Variants in FBN1 observed in about 807,000 individuals in gnomAD.
The protein encoded by FBN1 is fibrillin 1.
FBN1 carries 29 observed loss-of-function variants against 365.1 expected under a neutral mutation model. That is an observed-to-expected ratio of 0.08 (90% CI 0.06 to 0.11). The LOEUF is 0.11. Among genes scored for constraint, FBN1 ranks in the 10% least tolerant of loss-of-function variants. The probability of loss-of-function intolerance (pLI) is 1.00; values close to 1 mark genes in which losing one functional copy is unlikely to be tolerated. For synonymous variants in FBN1, 1,210 were observed against 1,270.5 expected (o/e 0.95, Z 1.01); for missense variants, 2,476 against 3,703.2 (o/e 0.67, Z 8.60).
chr15:48,513,463 T>C (rs2043776620), intron 13 of FBN1, 86 bp downstream of exon 13: 1 of 1,585,116 alleles, frequency 6.3e-7, no homozygotes, highest in Non-Finnish European at 8.7e-7. Flanking sequence ...CCGGCATGGG[T>C]TATTTAAACT....
At chr15:48,542,781 A>ATTGTG (rs1398899180) in intron 6 of FBN1, among the ~76,000 whole-genome samples, 1 of 130,572 alleles carries the variant, frequency 7.7e-6, no homozygotes, top group African/African-American at 3.2e-5. Flanking sequence ...GGACTCTAAG[A>ATTGTG]TGTGTGTGTG....
intron 6 of FBN1, among the ~76,000 whole-genome samples, chr15:48,595,992 T>C (rs2044512358): frequency 6.6e-6 from 1 of 152,228 alleles, no homozygotes; most frequent in African/African-American, 2.4e-5. Flanking sequence ...AGTTCTCCCC[T>C]TTTTATCCTG....
Position 48,495,271 on chromosome 15 carries a change from G to C in FBN1, c.2540-11C>G. 1 of 1,613,548 alleles carries C rather than the reference G, an allele frequency of 6.2e-7. No homozygotes were observed. Among genetic ancestry groups the C allele is most frequent in the Non-Finnish European group, 8.5e-7 (1 of 1,179,868 alleles). ...TGCCCTTGATGGTTTCTGCAGAGGA[G>C]GGAATAATATTTAATAGAATCTATA... On this transcript the variant is annotated splice_polypyrimidine_tract_variant and intron_variant, in intron 21 of 65. Coordinates refer to ENST00000316623, the MANE Select transcript of FBN1 (RefSeq NM_000138.5).
intron 63 of FBN1, among the ~76,000 whole-genome samples, chr15:48,417,429 CCT>C (rs2042910683): frequency 2.4e-5 from 2 of 83,348 alleles, no homozygotes; most frequent in African/African-American, 9.8e-5. Context: ...TTCCTTCCCC[CCT>C]CCCCTCCCCT....
Position 48,408,316 on chromosome 15 carries a change from A to C in FBN1, c.*2674T>G, listed in dbSNP as rs142196699. 1 of 152,556 alleles carries C rather than the reference A, an allele frequency of 6.6e-6. No individual in the cohort carries two copies. Among genetic ancestry groups the C allele is most frequent in the Admixed American group, 6.5e-5 (1 of 15,270 alleles). The allele number at this position is 152,556 out of a possible 1,614,324, so 9.5% of individuals were successfully genotyped here. A position where few individuals can be genotyped will look rare whatever the true frequency, so the allele number is the denominator to read the frequency against. On this transcript the variant is annotated 3_prime_UTR_variant, in exon 66 of 66. Coordinates refer to ENST00000316623, the MANE Select transcript of FBN1 (RefSeq NM_000138.5). The stretch of plus-strand genomic sequence containing the variant: ...TTTTAAGGATACTAATGCAGCATCA[A>C]CCCAATTGTCCTTTATTTTGGCTCA...
intron 31 of FBN1, 98 bp downstream of exon 31, chr15:48,483,720 A>T: frequency 7.1e-7 from 1 of 1,400,968 alleles, no homozygotes. Flanking sequence ...TACTTTTCCT[A>T]TGGAATCTTT....
chr15:48,511,386 C>CA (rs914468803), intron 13 of FBN1, among the ~76,000 whole-genome samples: 46 of 147,824 alleles, frequency 3.1e-4, no homozygotes, highest in African/African-American at 7.2e-4. Flanking sequence ...GCTCCACACT[C>CA]AAAAAAAAAT....
chr15:48,452,121 T>C (rs1240110798), intron 45 of FBN1, among the ~76,000 whole-genome samples: 1 of 152,198 alleles, frequency 6.6e-6, no homozygotes, highest in South Asian at 2.1e-4. Flanking sequence ...TCAGGAGAGC[T>C]TCACTGTCTA....
At chr15:48,594,968 C>T (rs186985968) in intron 6 of FBN1, among the ~76,000 whole-genome samples, 17 of 152,078 alleles carry the variant, frequency 1.1e-4, no homozygotes, top group East Asian at 7.7e-4. Context: ...TAATTATTAG[C>T]GAATAAAAAC....
At chr15:48,513,454 C>T (rs747291481) in intron 13 of FBN1, 95 bp downstream of exon 13, 87 of 1,568,368 alleles carry the variant, frequency 5.5e-5, no homozygotes, top group South Asian at 1.3e-4. Flanking sequence ...TAGTCTCTTC[C>T]GGCATGGGTT....
At chr15:48,565,600 A>G (rs1226884957) in intron 6 of FBN1, among the ~76,000 whole-genome samples, 1 of 151,058 alleles carries the variant, frequency 6.6e-6, no homozygotes, top group Non-Finnish European at 1.5e-5. Context: ...CAGTAAGTAT[A>G]TTATTTAAAT....
intron 12 of FBN1, 24 bp from the exon 13 acceptor site, chr15:48,513,692 T>C (rs754631554): frequency 1.2e-6 from 2 of 1,613,600 alleles, no homozygotes; most frequent in Non-Finnish European, 1.7e-6. Flanking sequence ...TGTATTTTAG[T>C]GCAAAATTAC....
chr15:48,495,938 T>C (rs1482066285), intron 20 of FBN1, among the ~76,000 whole-genome samples, 162 bp downstream of exon 20: 3 of 152,210 alleles, frequency 2.0e-5, no homozygotes. Context: ...ATACCATAAG[T>C]GGCTTACAAA....
chr15:48,615,165 A>G (rs1397600004), intron 2 of FBN1, among the ~76,000 whole-genome samples: 4 of 152,224 alleles, frequency 2.6e-5, no homozygotes, highest in Non-Finnish European at 2.9e-5. Flanking sequence ...CTTCTCCAGC[A>G]ACAGCCCATT....
At chr15:48,485,604 G>C in intron 29 of FBN1, 108 bp from the exon 30 acceptor site, 1 of 1,258,342 alleles carries the variant, frequency 7.9e-7, no homozygotes, top group Non-Finnish European at 1.1e-6. Flanking sequence ...TAAGAGGCAG[G>C]GCCTTTAAAA....
chr15:48,540,001 C>T (rs923620669), intron 6 of FBN1, among the ~76,000 whole-genome samples: 1 of 152,162 alleles, frequency 6.6e-6, no homozygotes, highest in Non-Finnish European at 1.5e-5. Flanking sequence ...GCCCTCATTT[C>T]GTTCTTTCGA....
chr15:48,537,982 C>T (rs776201580), intron 6 of FBN1, among the ~76,000 whole-genome samples, 174 bp from the exon 7 acceptor site: 1 of 152,176 alleles, frequency 6.6e-6, no homozygotes, highest in Non-Finnish European at 1.5e-5. Flanking sequence ...ACTTCTGAAC[C>T]CGATTTCCTA....
At position 48,470,687 on chromosome 15, in the gene FBN1, C is replaced by A. The variant is rs397515808; in HGVS notation, c.4406G>T (p.Arg1469Leu). 6.2e-7 allele frequency: 1 copy of A among 1,613,948 alleles called. No individual in the cohort carries two copies. Residue 1469 changes from arginine (R) to leucine (L), a missense_variant, in exon 36 of 66, where the codon CGC becomes CTC. By Grantham distance (102) the Arg-to-Leu change is moderately radical. Coordinates refer to ENST00000316623, the MANE Select transcript of FBN1 (RefSeq NM_000138.5). ...TTCGTAGCCTATCTCACACTCACAGCGGAACAGGCCAGGGAGGTTGTGGCA... is the reference window on the plus strand; with the variant it reads ...TTCGTAGCCTATCTCACACTCACAGAGGAACAGGCCAGGGAGGTTGTGGCA... ...GTCHNLPGLF[R>L]CECEIGYELD...
Position 48,644,875 on chromosome 15 carries a change from C to G in FBN1, c.-106G>C, listed in dbSNP as rs1890267410. ...CACCGCGCCGCCGGGGTCCCGCTAT[C>G]CCGCCGCCCGTCCCCCGGGCCGGGC... On this transcript the variant is annotated 5_prime_UTR_variant, in exon 2 of 66. Transcript: ENST00000316623. 1 of 1,134,092 alleles carries G rather than the reference C, an allele frequency of 8.8e-7. No individual in the cohort carries two copies. 70.3% of individuals were successfully genotyped at this position (1,134,092 alleles called of 1,614,324 possible).
Sources: allele counts gnomAD v4.1 joint callset (sites outside exome capture counted in the v4.1 genomes callset), GRCh38; gene constraint gnomAD v4.1.1; transcripts MANE v1.5; gene names NCBI Gene and HGNC (gene_info 2026-07-23, HGNC 2026-07-21).